Variants in SLC10A6 observed in about 807,000 individuals in gnomAD.
The protein encoded by SLC10A6 is solute carrier family 10 member 6.
SLC10A6 carries 27 observed loss-of-function variants against 30.0 expected under a neutral mutation model. That is an observed-to-expected ratio of 0.90 (90% CI 0.66 to 1.24). The LOEUF (loss-of-function observed/expected upper bound fraction) is 1.24, where lower values mean the gene tolerates loss of function less well. Among genes scored for constraint, SLC10A6 ranks in the 50% most tolerant of loss-of-function variants. The pLI is 0.00. For synonymous variants in SLC10A6, 166 were observed against 173.8 expected (o/e 0.95, Z 0.36); for missense variants, 439 against 457.0 (o/e 0.96, Z 0.36).
chr4:86,830,776 C>T (rs1160854878), intron 3 of SLC10A6, among the ~76,000 whole-genome samples: 1 of 152,202 alleles, frequency 6.6e-6, no homozygotes, highest in Non-Finnish European at 1.5e-5. Flanking sequence ...AGATTTACTA[C>T]ATGAAACTCT....
At chr4:86,843,963 G>A (rs1007529630) in intron 1 of SLC10A6, among the ~76,000 whole-genome samples, 2 of 152,156 alleles carry the variant, frequency 1.3e-5, no homozygotes, top group East Asian at 3.9e-4. Flanking sequence ...CGGATCATGA[G>A]GTCAGGAGAT....
chr4:86,841,844 G>A (rs191135873), intron 1 of SLC10A6, among the ~76,000 whole-genome samples: 8 of 152,218 alleles, frequency 5.3e-5, no homozygotes, highest in African/African-American at 1.9e-4. Context: ...AGATGGACAC[G>A]GAGTGAGCTA....
intron 3 of SLC10A6, 35 bp downstream of exon 3, chr4:86,831,757 G>A (rs1407866620): frequency 2.6e-6 from 4 of 1,565,734 alleles, no homozygotes; most frequent in East Asian, 2.3e-5. Context: ...CCCTGAGTCT[G>A]AGGACGTGCC....
At chr4:86,828,960 T>C (rs552425535) in intron 3 of SLC10A6, among the ~76,000 whole-genome samples, 16 of 152,154 alleles carry the variant, frequency 1.1e-4, no homozygotes, top group Non-Finnish European at 1.9e-4. Flanking sequence ...TGATTTGAAA[T>C]GATTCAGGAT....
chr4:86,842,117 T>A (rs1282734171), intron 1 of SLC10A6, among the ~76,000 whole-genome samples: 1 of 152,240 alleles, frequency 6.6e-6, no homozygotes, highest in African/African-American at 2.4e-5. Flanking sequence ...TGAAGTCTCA[T>A]GAATTCAGTC....
intron 3 of SLC10A6, 37 bp downstream of exon 3, chr4:86,831,755 C>T (rs775578507): frequency 2.5e-5 from 39 of 1,556,082 alleles, no homozygotes; most frequent in Non-Finnish European, 3.4e-5. Context: ...GCCCCTGAGT[C>T]TGAGGACGTG....
At chr4:86,842,849 TC>T (rs1746323213) in intron 1 of SLC10A6, among the ~76,000 whole-genome samples, 6 of 59,764 alleles carry the variant, frequency 1.0e-4, no homozygotes, top group Admixed American at 3.2e-4. Context: ...TTTCTTTCTT[TC>T]TTTCTTTCTT....
At chr4:86,837,225 GAGAA>G (rs530121412) in intron 1 of SLC10A6, among the ~76,000 whole-genome samples, 1,516 of 39,030 alleles carry the variant, frequency 0.039, 124 homozygotes, top group Middle Eastern at 0.17. Flanking sequence ...GAGAGAGAGA[GAGAA>G]AGAAAGAAAG....
At chr4:86,827,935 A>T in intron 4 of SLC10A6, 58 bp downstream of exon 4, 1 of 1,506,098 alleles carries the variant, frequency 6.6e-7, no homozygotes, top group South Asian at 1.3e-5. Context: ...AAAGCCTACC[A>T]GTGGCAGTGT....
At chr4:86,844,991 G>A (rs1746368833) in intron 1 of SLC10A6, among the ~76,000 whole-genome samples, 1 of 152,084 alleles carries the variant, frequency 6.6e-6, no homozygotes, top group African/African-American at 2.4e-5. Flanking sequence ...CTTGACACTT[G>A]GGGATTCCAG....
chr4:86,845,702 G>A (rs1443372957), intron 1 of SLC10A6, among the ~76,000 whole-genome samples: 1 of 152,178 alleles, frequency 6.6e-6, no homozygotes, highest in Non-Finnish European at 1.5e-5. Flanking sequence ...AAGTGTTAGT[G>A]GAGACCAACA....
intron 4 of SLC10A6, among the ~76,000 whole-genome samples, chr4:86,827,675 T>A (rs7663616): frequency 0.031 from 4,704 of 152,308 alleles, 256 homozygotes; most frequent in African/African-American, 0.11. Context: ...GTGTATTTCT[T>A]CCAGTATATT....
chr4:86,840,979 C>T (rs576395596), intron 1 of SLC10A6, among the ~76,000 whole-genome samples: 2 of 152,190 alleles, frequency 1.3e-5, no homozygotes, highest in East Asian at 1.9e-4. Flanking sequence ...AAGCAGTTTG[C>T]CACAGCTCTC....
chr4:86,836,108 G>A (rs1746180505), intron 1 of SLC10A6, among the ~76,000 whole-genome samples: 1 of 152,194 alleles, frequency 6.6e-6, no homozygotes, highest in South Asian at 2.1e-4. Flanking sequence ...AAACAACTGA[G>A]ACCATCAGAA....
At chr4:86,826,297 G>A (rs1320508275) in intron 4 of SLC10A6, among the ~76,000 whole-genome samples, 2 of 152,038 alleles carry the variant, frequency 1.3e-5, no homozygotes, top group African/African-American at 4.8e-5. Context: ...AAATAAACAA[G>A]GCCAGGCACA....
chr4:86,833,295 C>T lies in SLC10A6; in HGVS notation c.496+11G>A. 1 of 1,578,766 alleles carries T rather than the reference C, an allele frequency of 6.3e-7. No individual in the cohort carries two copies. Among genetic ancestry groups the T allele is most frequent in the South Asian group, 1.1e-5 (1 of 90,110 alleles). On this transcript the variant is annotated intron_variant, in intron 2 of 5. Transcript: ENST00000273905. Reference sequence around the variant, plus strand: ...TACTGTTAGTCCTCCATTTCCCAGGCCCATACAGACCTATGTTCTGATAAG... The same window carrying T: ...TACTGTTAGTCCTCCATTTCCCAGGTCCATACAGACCTATGTTCTGATAAG...
At chr4:86,841,562 A>G (rs1746291042) in intron 1 of SLC10A6, among the ~76,000 whole-genome samples, 1 of 152,228 alleles carries the variant, frequency 6.6e-6, no homozygotes, top group African/African-American at 2.4e-5. Context: ...GAATAGCATC[A>G]TCATCTCCAA....
In SLC10A6 at chr4:86,849,232, T is replaced by A. The variant is rs979130446; in HGVS notation, c.-117A>T. The A allele has an allele frequency of 7.9e-7, 1 of 1,263,922 alleles. No homozygotes were observed. Among genetic ancestry groups the A allele is most frequent in the Admixed American group, 2.3e-5 (1 of 44,116 alleles). 78.3% of individuals were successfully genotyped at this position (1,263,922 alleles called of 1,614,324 possible). On this transcript the variant is annotated 5_prime_UTR_variant, in exon 1 of 6. Transcript: ENST00000273905. ...AGTCACACATGGAGAATCATTCCAA[T>A]AACTGTTGGCCAGCAAGGTGATTCA...
chr4:86,828,160 G>C lies in SLC10A6; in HGVS notation c.594C>G (p.Ala198=). The stretch of plus-strand genomic sequence containing the variant: ...CCAGAAGGAGGACCCCACCAACAAC[G>C]GCCCCAATCTGAAGCAAACAATAAA... ...KQSKIILKIG[A]VVGGVLLLVV... Residue 198 remains alanine (A), a synonymous_variant, in exon 4 of 6, where the codon GCC becomes GCG. Transcript: ENST00000273905. The C allele has an allele frequency of 6.2e-7, 1 of 1,609,712 alleles. No individual in the cohort carries two copies. Among genetic ancestry groups the C allele is most frequent in the African/African-American group, 1.3e-5 (1 of 74,512 alleles).
Sources: allele counts gnomAD v4.1 joint callset (sites outside exome capture counted in the v4.1 genomes callset), GRCh38; gene constraint gnomAD v4.1.1; transcripts MANE v1.5; gene names NCBI Gene and HGNC (gene_info 2026-07-23, HGNC 2026-07-21).